CCDC149: variants seen among roughly 807,000 people sequenced by gnomAD.
CCDC149 encodes the protein coiled-coil domain containing 149.
In CCDC149, 45 loss-of-function variants were observed where a neutral mutation model predicts 59.9. That is an observed-to-expected ratio of 0.75 (90% CI 0.59 to 0.96). The LOEUF (loss-of-function observed/expected upper bound fraction) is 0.96. Among genes scored for constraint, CCDC149 ranks in the 40% least tolerant of loss-of-function variants. The probability of loss-of-function intolerance (pLI) is 0.00; values close to 1 mark genes in which losing one functional copy is unlikely to be tolerated. For synonymous variants in CCDC149, 245 were observed against 260.6 expected, an observed-to-expected ratio of 0.94 and a Z score of 0.58; for missense variants, 584 against 664.7, an observed-to-expected ratio of 0.88 and a Z score of 1.33.
chr4:24,827,936 A>C (rs1715869842), intron 9 of CCDC149: 2 of 152,222 alleles, frequency 1.3e-5, no homozygotes, highest in South Asian at 4.1e-4. Context: ...GGTCATGCAC[A>C]CAGAGACCAG....
chr4:24,936,298 C>A (rs1722777593), intron 1 of CCDC149, among the ~76,000 whole-genome samples: 1 of 145,668 alleles, frequency 6.9e-6, no homozygotes, highest in African/African-American at 2.6e-5. Context: ...TTAAGATGGG[C>A]AATATTGCCA....
At chr4:24,815,168 A>G (rs1714934299) in intron 12 of CCDC149, among the ~76,000 whole-genome samples, 1 of 152,220 alleles carries the variant, frequency 6.6e-6, no homozygotes, top group African/African-American at 2.4e-5. Flanking sequence ...CTCTTTAAAT[A>G]CCATTCGTTA....
intron 1 of CCDC149, among the ~76,000 whole-genome samples, chr4:24,954,893 T>C (rs1723424411): frequency 6.6e-6 from 1 of 152,242 alleles, no homozygotes; most frequent in South Asian, 2.1e-4. Flanking sequence ...AAACATGCTT[T>C]TTAATTATTT....
chr4:24,812,478 C>T (rs1714683517), intron 12 of CCDC149, among the ~76,000 whole-genome samples: 1 of 152,192 alleles, frequency 6.6e-6, no homozygotes, highest in Non-Finnish European at 1.5e-5. Flanking sequence ...CCAATAGGAT[C>T]CTCTACCTGG....
At chr4:24,920,924 G>A (rs573454600) in intron 1 of CCDC149, among the ~76,000 whole-genome samples, 11 of 152,242 alleles carry the variant, frequency 7.2e-5, no homozygotes, top group African/African-American at 2.6e-4. Context: ...ACTGAGGAAT[G>A]TATGAGAACA....
At chr4:24,897,922 A>G (rs1272520476) in intron 1 of CCDC149, among the ~76,000 whole-genome samples, 3 of 152,250 alleles carry the variant, frequency 2.0e-5, no homozygotes, top group Non-Finnish European at 1.5e-5. Context: ...AGAAAAGGTT[A>G]CAGATTGACC....
intron 1 of CCDC149, among the ~76,000 whole-genome samples, chr4:24,908,682 A>T (rs1012469136): frequency 1.2e-4 from 18 of 152,280 alleles, no homozygotes; most frequent in African/African-American, 4.1e-4. Flanking sequence ...CATGGGCAAC[A>T]GAGTGAGACC....
chr4:24,951,915 T>C (rs1016281893), intron 1 of CCDC149, among the ~76,000 whole-genome samples: 6 of 152,212 alleles, frequency 3.9e-5, no homozygotes, highest in African/African-American at 9.6e-5. Context: ...GTGCTGTATA[T>C]TAATGGGGCA....
intron 1 of CCDC149, among the ~76,000 whole-genome samples, chr4:24,964,068 T>C (rs1457237540): frequency 6.6e-6 from 1 of 151,956 alleles, no homozygotes; most frequent in Non-Finnish European, 1.5e-5. Context: ...TGGTGGCATA[T>C]GTCTGTAGTT....
At chr4:24,878,120 T>C (rs1362631228) in intron 1 of CCDC149, among the ~76,000 whole-genome samples, 1 of 151,220 alleles carries the variant, frequency 6.6e-6, no homozygotes, top group Non-Finnish European at 1.5e-5. Context: ...ATTACTCATA[T>C]ATAGTGCTTG....
At chr4:24,931,678 C>T (rs1480984460) in intron 1 of CCDC149, among the ~76,000 whole-genome samples, 1 of 151,626 alleles carries the variant, frequency 6.6e-6, no homozygotes, top group East Asian at 1.9e-4. Flanking sequence ...GGAGGTTATG[C>T]AGTGCATATT....
intron 1 of CCDC149, among the ~76,000 whole-genome samples, chr4:24,949,727 G>A (rs1044815845): frequency 2.0e-5 from 3 of 152,164 alleles, no homozygotes; most frequent in South Asian, 4.1e-4. Flanking sequence ...AGCAGGACTC[G>A]GGCTCTGTCA....
chr4:24,870,208 A>T (rs1718952712), intron 3 of CCDC149, among the ~76,000 whole-genome samples: 1 of 152,232 alleles, frequency 6.6e-6, no homozygotes, highest in South Asian at 2.1e-4. Context: ...ACACTTTTGT[A>T]CTTAAAAAAC....
At chr4:24,895,011 G>T (rs140961833) in intron 1 of CCDC149, 5 of 1,536,256 alleles carry the variant, frequency 3.3e-6, no homozygotes, top group Non-Finnish European at 4.4e-6. Context: ...CCAAGTGGCC[G>T]CTCTGGCGAT....
chr4:24,803,575 C>T (rs1263797154), downstream of CCDC149, among the ~76,000 whole-genome samples: 4 of 152,142 alleles, frequency 2.6e-5, no homozygotes, highest in Non-Finnish European at 5.9e-5. This position sits in a 1 kb window ranked among gnomAD's most constrained non-coding sequence, Gnocchi z 4.3. Flanking sequence ...TTATGATATA[C>T]AATGACCATA....
chr4:24,958,125 T>A (rs7697533), intron 1 of CCDC149, among the ~76,000 whole-genome samples: 26,868 of 152,142 alleles, frequency 0.18, 3,200 homozygotes, highest in African/African-American at 0.32. Flanking sequence ...TATGACTCAA[T>A]GGCATAGGTT....
chr4:24,815,099 A>G (rs1319825699), intron 12 of CCDC149, among the ~76,000 whole-genome samples: 2 of 152,234 alleles, frequency 1.3e-5, no homozygotes, highest in African/African-American at 4.8e-5. Flanking sequence ...AGCTTATTAA[A>G]TGTTTGAATA....
intron 1 of CCDC149, among the ~76,000 whole-genome samples, chr4:24,921,432 C>G (rs1722290863): frequency 6.6e-6 from 1 of 152,224 alleles, no homozygotes; most frequent in African/African-American, 2.4e-5. Context: ...AGGAGAGACC[C>G]AGTGGGCATG....
At chr4:24,978,333 CG>C (rs1388476906) in intron 1 of CCDC149, among the ~76,000 whole-genome samples, 1 of 151,958 alleles carries the variant, frequency 6.6e-6, no homozygotes, top group Admixed American at 6.6e-5. Context: ...AATTTCATAT[CG>C]AAAGGATATT....
Sources: allele counts gnomAD v4.1 joint callset (sites outside exome capture counted in the v4.1 genomes callset), GRCh38; gene constraint gnomAD v4.1.1; non-coding constraint Gnocchi (gnomAD v3.1); transcripts MANE v1.5; gene names NCBI Gene and HGNC (gene_info 2026-07-23, HGNC 2026-07-21).